The following CAMK2D variants were observed in gnomAD, a reference collection of about 807,000 sequenced individuals.
CAMK2D encodes calcium/calmodulin-dependent protein kinase type II subunit delta.
In CAMK2D, 37 loss-of-function variants were observed where a neutral mutation model predicts 84.0. That is an observed-to-expected ratio of 0.44 (90% confidence interval 0.34 to 0.58). CAMK2D has a LOEUF of 0.58. CAMK2D is among the 20% of genes least tolerant of loss of function. The pLI, the probability that CAMK2D is intolerant of heterozygous loss-of-function variation, is 0.02. For missense variants in CAMK2D, 448 were observed against 652.5 expected, an observed-to-expected ratio of 0.69 and a Z score of 3.41; for synonymous variants, 202 against 212.5, an observed-to-expected ratio of 0.95 and a Z score of 0.43.
At chr4:113,462,741 T>C (rs1299026823) in intron 17 of CAMK2D, among the ~76,000 whole-genome samples, 5 of 151,726 alleles carry the variant, frequency 3.3e-5, no homozygotes, top group Non-Finnish European at 7.4e-5. Flanking sequence ...AGAAAGAATA[T>C]AAAAGAAGCA....
chr4:113,724,857 C>T lies in CAMK2D; in HGVS notation c.160+34463G>A, dbSNP rs2099541268. 2.0e-5 allele frequency among the ~76,000 whole-genome samples: 3 copies of T among 152,040 alleles called. No individual in the cohort carries two copies. The South Asian group carries it at 6.2e-4, about 32-fold the overall frequency. On this transcript the variant is annotated intron_variant, in intron 2 of 20. Coordinates refer to ENST00000511664, the MANE Select transcript of CAMK2D (RefSeq NM_001321571.2). ...ATGATAACTTTTCTTTTTATAACAG[C>T]TTCCAACAATATATATATTCTCCTA... is the stretch of plus-strand genomic sequence containing the variant.
chr4:113,755,305 G>T (rs996592424), intron 2 of CAMK2D, among the ~76,000 whole-genome samples: 1 of 151,176 alleles, frequency 6.6e-6, no homozygotes, highest in Non-Finnish European at 1.5e-5. Context: ...CACCAATTTA[G>T]GAATTAATAA....
chr4:113,511,051 G>T (rs2098205808), intron 12 of CAMK2D, among the ~76,000 whole-genome samples: 1 of 151,990 alleles, frequency 6.6e-6, no homozygotes, highest in Admixed American at 6.6e-5. Context: ...GGGTAAGCAG[G>T]GATTTGGCCT....
At chr4:113,757,881 G>A (rs1331342567) in intron 2 of CAMK2D, among the ~76,000 whole-genome samples, 1 of 152,012 alleles carries the variant, frequency 6.6e-6, no homozygotes, top group Non-Finnish European at 1.5e-5. Flanking sequence ...GAGTGAAGAG[G>A]GATGGCTCTA....
intron 16 of CAMK2D, among the ~76,000 whole-genome samples, chr4:113,494,550 A>G (rs1283364819): frequency 6.6e-6 from 1 of 152,242 alleles, no homozygotes; most frequent in Non-Finnish European, 1.5e-5. Flanking sequence ...CAAAGCTGTC[A>G]GACAGGGACA....
Position 113,640,405 on chromosome 4 carries a change from T to C in CAMK2D, c.220+21308A>G, listed in dbSNP as rs1371065959. 4.6e-5 allele frequency among the ~76,000 whole-genome samples: 7 copies of C among 152,294 alleles called. No homozygotes were observed. The East Asian group carries it at 9.6e-4, about 21-fold the overall frequency. ...AAAGAAGAAATCTAGAAAATACTTA[T>C]GTTACAAAAGCCAAAGGAGGTAACT... On this transcript the variant is annotated intron_variant, in intron 3 of 20. Coordinates refer to ENST00000511664, the MANE Select transcript of CAMK2D (RefSeq NM_001321571.2).
At chr4:113,492,473 G>A (rs944470179) in intron 16 of CAMK2D, among the ~76,000 whole-genome samples, 27 of 152,206 alleles carry the variant, frequency 1.8e-4, no homozygotes, top group African/African-American at 5.5e-4. Flanking sequence ...TCTTAATCCT[G>A]AGATCGAGTT....
intron 2 of CAMK2D, among the ~76,000 whole-genome samples, chr4:113,756,158 T>C (rs2099628109): frequency 6.6e-6 from 1 of 151,968 alleles, no homozygotes; most frequent in South Asian, 2.1e-4. Flanking sequence ...CAACTGAAAC[T>C]GTCTGCTGGA....
chr4:113,713,102 TCA>T (rs1231017429), intron 2 of CAMK2D, among the ~76,000 whole-genome samples: 2 of 152,140 alleles, frequency 1.3e-5, no homozygotes, highest in East Asian at 3.9e-4. Flanking sequence ...TAACTGTATA[TCA>T]CAGTTTATTT....
chr4:113,666,818 T>C (rs994869923), intron 2 of CAMK2D, among the ~76,000 whole-genome samples: 1 of 152,188 alleles, frequency 6.6e-6, no homozygotes, highest in African/African-American at 2.4e-5. Flanking sequence ...AATTTTTACC[T>C]TGCTGGCCTT....
chr4:113,498,094 T>C (rs1222824553), intron 16 of CAMK2D, among the ~76,000 whole-genome samples: 2 of 152,126 alleles, frequency 1.3e-5, no homozygotes, highest in African/African-American at 4.8e-5. Flanking sequence ...ATGTTAGATA[T>C]AGGTAAATTT....
intron 17 of CAMK2D, among the ~76,000 whole-genome samples, chr4:113,462,622 G>A (rs1449427308): frequency 1.3e-5 from 2 of 152,018 alleles, no homozygotes; most frequent in East Asian, 3.9e-4. Flanking sequence ...TGATCCCAAG[G>A]TTTAGCATTA....
At chr4:113,744,454 C>A (rs2099599915) in intron 2 of CAMK2D, among the ~76,000 whole-genome samples, 1 of 152,114 alleles carries the variant, frequency 6.6e-6, no homozygotes, top group Non-Finnish European at 1.5e-5. Flanking sequence ...CCTCAGAATT[C>A]AAATCACTGC....
At chr4:113,513,762 T>TC in intron 11 of CAMK2D, 68 bp downstream of exon 11, 1 of 723,832 alleles carries the variant, frequency 1.4e-6, no homozygotes, top group South Asian at 1.7e-5. Flanking sequence ...GAAGTTATTT[T>TC]CCTCACACAG....
At chr4:113,504,822 C>T (rs1431016267) in intron 14 of CAMK2D, among the ~76,000 whole-genome samples, 154 bp downstream of exon 14, 1 of 78,338 alleles carries the variant, frequency 1.3e-5, no homozygotes, top group Non-Finnish European at 2.4e-5. Context: ...TTGGTCATAT[C>T]ATAGAAAGCA....
chr4:113,742,718 A>T (rs2148941559), intron 2 of CAMK2D, among the ~76,000 whole-genome samples: 1 of 152,306 alleles, frequency 6.6e-6, no homozygotes, highest in South Asian at 2.1e-4. Context: ...CAATCGTCAC[A>T]GTCACTAAAC....
intron 2 of CAMK2D, among the ~76,000 whole-genome samples, chr4:113,738,740 T>C (rs1222580758): frequency 6.6e-6 from 1 of 152,076 alleles, no homozygotes; most frequent in Non-Finnish European, 1.5e-5. Flanking sequence ...ATTTTCCCAA[T>C]ATGAACTTTC....
chr4:113,475,331 ATAACTAAC>A (rs2097594585), intron 16 of CAMK2D, among the ~76,000 whole-genome samples: 1 of 151,592 alleles, frequency 6.6e-6, no homozygotes, highest in African/African-American at 2.4e-5. Flanking sequence ...CTGGTTTTGA[ATAACTAAC>A]AAACAAACAA....
At chr4:113,513,069 C>T (rs544490885) in intron 12 of CAMK2D, 2 of 468,044 alleles carry the variant, frequency 4.3e-6, no homozygotes, top group African/African-American at 4.2e-5. Context: ...GCTAGTCCTG[C>T]ACCAGCACTG....
Sources: gnomAD v4.1 joint callset for allele counts (sites outside exome capture counted in the v4.1 genomes callset) on GRCh38, gnomAD v4.1.1 for gene constraint, MANE v1.5 for transcripts, NCBI Gene and HGNC (gene_info 2026-07-23, HGNC 2026-07-21) for gene names.